ALX4: variants seen among roughly 807,000 people sequenced by gnomAD.
The protein encoded by ALX4 is ALX homeobox 4.
In ALX4, 22 loss-of-function variants were observed where a neutral mutation model predicts 40.6. That is an observed-to-expected ratio of 0.54 (90% CI 0.39 to 0.77). The LOEUF is 0.77. Among genes scored for constraint, ALX4 ranks in the 30% least tolerant of loss-of-function variants. ALX4 has a pLI of 0.00. For missense variants in ALX4, 556 were observed against 564.8 expected (o/e 0.98, Z 0.16); for synonymous variants, 266 against 240.5 (o/e 1.11, Z -0.98).
At chr11:44,304,391 G>A (rs1956453941) in intron 1 of ALX4, among the ~76,000 whole-genome samples, 1 of 152,180 alleles carries the variant, frequency 6.6e-6, no homozygotes, top group Non-Finnish European at 1.5e-5. Context: ...CCGGGGGCAG[G>A]AAGTTCTCTC....
chr11:44,274,987 G>T (rs1295428143), intron 2 of ALX4, among the ~76,000 whole-genome samples: 2 of 152,140 alleles, frequency 1.3e-5, no homozygotes, highest in Non-Finnish European at 1.5e-5. Flanking sequence ...TAAGAGATAG[G>T]CCTTCTAGAG....
rs894335972 is a variant in ALX4 at position 44,272,027 on chromosome 11, C to A, written c.777+3321G>T. 1.8e-4 allele frequency among the ~76,000 whole-genome samples: 27 copies of A among 152,198 alleles called. 1 individual carries two copies. Among genetic ancestry groups the A allele is most frequent in the Non-Finnish European group, 5.9e-5 (4 of 68,040 alleles). ...CTACACCTGTGGGTCCTCCCCAATC[C>A]ATTTGCTGGAGATCAGGCTAGATGC... is the stretch of plus-strand genomic sequence containing the variant. On this transcript the variant is annotated intron_variant, in intron 2 of 3. Coordinates refer to ENST00000652299, the MANE Select transcript of ALX4 (RefSeq NM_021926.4).
chr11:44,294,974 C>T (rs900517780), intron 1 of ALX4, among the ~76,000 whole-genome samples: 3 of 152,036 alleles, frequency 2.0e-5, no homozygotes, highest in Admixed American at 6.6e-5. Flanking sequence ...CTCAGCCTCC[C>T]TAGTAGCTGG....
At chr11:44,275,268 T>C in intron 2 of ALX4, 80 bp downstream of exon 2, 2 of 1,473,242 alleles carry the variant, frequency 1.4e-6, no homozygotes, top group South Asian at 2.3e-5. Flanking sequence ...TGGTGGGCAG[T>C]CAGGAGACCC....
chr11:44,279,550 A>G (rs1956296798), intron 1 of ALX4, among the ~76,000 whole-genome samples: 1 of 150,242 alleles, frequency 6.7e-6, no homozygotes, highest in Non-Finnish European at 1.5e-5. Flanking sequence ...CCTCAGCAAG[A>G]CGGCTGCTGA....
intron 1 of ALX4, among the ~76,000 whole-genome samples, chr11:44,290,787 C>T (rs989075525): frequency 6.6e-6 from 1 of 152,210 alleles, no homozygotes; most frequent in Non-Finnish European, 1.5e-5. Flanking sequence ...GCTTCAGTTT[C>T]CTCATCTGTA....
In ALX4 at chr11:44,262,497, T is replaced by C. The variant is rs938194611; in HGVS notation, c.*2357A>G. 6 of 152,446 alleles carry C rather than the reference T, an allele frequency of 3.9e-5. No individual in the cohort carries two copies. The East Asian group carries it at 1.2e-3, about 29-fold the overall frequency. 9.4% of individuals were successfully genotyped at this position (152,446 alleles called of 1,614,324 possible). The stretch of plus-strand genomic sequence containing the variant: ...TCAAGCTTTTGGGTTGAAATTTGCC[T>C]GACTTGGGTCTAGCCCAGCCAGAGA... On this transcript the variant is annotated 3_prime_UTR_variant, in exon 4 of 4. Transcript: ENST00000652299.
At chr11:44,279,352 G>A (rs1023879169) in intron 1 of ALX4, among the ~76,000 whole-genome samples, 34 of 152,136 alleles carry the variant, frequency 2.2e-4, no homozygotes, top group African/African-American at 7.5e-4. Flanking sequence ...GCTGTTCCTC[G>A]GGTGGCCCTG....
intron 1 of ALX4, among the ~76,000 whole-genome samples, chr11:44,285,793 C>A (rs1956335064): frequency 6.6e-6 from 1 of 152,096 alleles, no homozygotes; most frequent in African/African-American, 2.4e-5. Flanking sequence ...ACCCTTCTTC[C>A]TCCAGGACCT....
At chr11:44,279,387 G>A (rs1339269992) in intron 1 of ALX4, among the ~76,000 whole-genome samples, 1 of 152,232 alleles carries the variant, frequency 6.6e-6, no homozygotes, top group Non-Finnish European at 1.5e-5. Flanking sequence ...GTGTGAGACA[G>A]AGGGTGGCAG....
intron 1 of ALX4, among the ~76,000 whole-genome samples, chr11:44,284,598 G>A (rs1185544187): frequency 2.6e-5 from 4 of 152,088 alleles, no homozygotes; most frequent in Admixed American, 1.3e-4. Flanking sequence ...TCAGGGTCCC[G>A]AAGGCAGGAC....
At chr11:44,269,985 TCTC>T (rs1956236007) in intron 2 of ALX4, among the ~76,000 whole-genome samples, 1 of 152,016 alleles carries the variant, frequency 6.6e-6, no homozygotes, top group South Asian at 2.1e-4. Flanking sequence ...CTGTTGGGGT[TCTC>T]CTTGTGTCTC....
At chr11:44,275,166 C>T (rs1305990567) in intron 2 of ALX4, among the ~76,000 whole-genome samples, 182 bp downstream of exon 2, 8 of 152,182 alleles carry the variant, frequency 5.3e-5, no homozygotes, top group South Asian at 4.1e-4. Context: ...AAAGCAGAGT[C>T]GCTCTAGTTG....
At chr11:44,267,466 G>A (rs202170828) in intron 3 of ALX4, 28 bp downstream of exon 3, 60 of 1,612,214 alleles carry the variant, frequency 3.7e-5, no homozygotes, top group Admixed American at 2.2e-4. Context: ...GCTGGGGATC[G>A]GTGGCGGCAG....
Position 44,283,834 on chromosome 11 carries a change from G to A in ALX4, c.467-8176C>T, listed in dbSNP as rs900164737. Among the ~76,000 whole-genome samples the A allele has an allele frequency of 1.3e-5, 2 of 152,058 alleles. 1 individual carries two copies. The highest frequency in any genetic ancestry group is 1.3e-4 in the Admixed American group (2 of 15,262). On this transcript the variant is annotated intron_variant, in intron 1 of 3. Coordinates refer to ENST00000652299, the MANE Select transcript of ALX4 (RefSeq NM_021926.4). The stretch of plus-strand genomic sequence containing the variant: ...CCGTCTTGGTCTCCCAAAGTGCTGG[G>A]ATTACAGGCATGGACCACCGCGCCA...
chr11:44,288,646 A>C (rs1373764906), intron 1 of ALX4, among the ~76,000 whole-genome samples: 1 of 152,192 alleles, frequency 6.6e-6, no homozygotes, highest in Non-Finnish European at 1.5e-5. Flanking sequence ...ATTGCTCCCC[A>C]GCCCTCTGGA....
chr11:44,279,307 C>A (rs1466715272), intron 1 of ALX4, among the ~76,000 whole-genome samples: 1 of 152,222 alleles, frequency 6.6e-6, no homozygotes, highest in Admixed American at 6.5e-5. Flanking sequence ...CTACTGCCAC[C>A]CCTCTGAGTC....
intron 1 of ALX4, among the ~76,000 whole-genome samples, chr11:44,279,948 A>C: frequency 6.6e-6 from 1 of 152,172 alleles, no homozygotes; most frequent in Non-Finnish European, 1.5e-5. Flanking sequence ...CTAACTAACA[A>C]ACATCACTGA....
intron 1 of ALX4, among the ~76,000 whole-genome samples, chr11:44,294,520 C>A (rs2119862823): frequency 6.6e-6 from 1 of 152,304 alleles, no homozygotes; most frequent in South Asian, 2.1e-4. Context: ...GGAGGAGGGG[C>A]CTGAGGGGCC....
Sources: allele counts gnomAD v4.1 joint callset (sites outside exome capture counted in the v4.1 genomes callset), GRCh38; gene constraint gnomAD v4.1.1; transcripts MANE v1.5; gene names NCBI Gene and HGNC (gene_info 2026-07-23, HGNC 2026-07-21).